The following TBC1D30 variants were observed in gnomAD, a reference collection of about 807,000 sequenced individuals.
TBC1D30 encodes the protein TBC1 domain family member 30.
Under a neutral mutation model 63.2 loss-of-function variants are expected in TBC1D30, and 31 were observed. That is an observed-to-expected ratio of 0.49 (90% CI 0.37 to 0.66). The LOEUF (loss-of-function observed/expected upper bound fraction) is 0.66, where lower values mean the gene tolerates loss of function less well. Ranked by LOEUF, TBC1D30 falls within the 30% of genes least tolerant of loss-of-function variation. The pLI, the probability that TBC1D30 is intolerant of heterozygous loss-of-function variation, is 0.00. For missense variants in TBC1D30, 810 were observed against 953.6 expected, an observed-to-expected ratio of 0.85 and a Z score of 1.98; for synonymous variants, 307 against 361.5, an observed-to-expected ratio of 0.85 and a Z score of 1.71.
At chr12:64,796,876 T>C (rs781439572) in intron 2 of TBC1D30, among the ~76,000 whole-genome samples, 1 of 151,970 alleles carries the variant, frequency 6.6e-6, no homozygotes, top group African/African-American at 2.4e-5. Flanking sequence ...AAGAAATACT[T>C]TTTCCCCCAA....
rs189095645 is a variant in TBC1D30 at position 64,770,019 on chromosome 12, C to T, written c.-376+10370C>T. Among the ~76,000 whole-genome samples the T allele has an allele frequency of 1.6e-4, 25 of 152,214 alleles. No homozygotes were observed. The East Asian group carries it at 3.7e-3, about 22-fold the overall frequency. On this transcript the variant is annotated intron_variant, in intron 1 of 13. Transcript: ENST00000674237. The stretch of plus-strand genomic sequence containing the variant: ...AACTCCATGGCTTCAAACTTTTATA[C>T]GATTCAAAGTGCTTATTTATACATT...
At chr12:64,780,567 CAGCAGGTGGCCCCAGGT>C (rs1352801539) in exon 1 of TBC1D30, among the ~76,000 whole-genome samples, 7 of 152,236 alleles carry the variant, frequency 4.6e-5, no homozygotes, top group Non-Finnish European at 8.8e-5. Flanking sequence ...CGGGCCCGGG[CAGCAGGTGGCCCCAGGT>C]AGCTCAGTGG....
Position 64,766,118 on chromosome 12 carries a change from A to G in TBC1D30, c.-376+6469A>G, listed in dbSNP as rs1870704917. Among the ~76,000 whole-genome samples, 3 of 152,206 alleles carry G rather than the reference A, an allele frequency of 2.0e-5. No individual in the cohort carries two copies. In the South Asian group the frequency reaches 6.2e-4, roughly 31 times the overall value. On this transcript the variant is annotated intron_variant, in intron 1 of 13. Coordinates refer to the TBC1D30 transcript ENST00000674237. ...AACAATATGGGGGGGAGATAAGTCAACTTGAAGGTATAGCAAGAGAAAAAT... is the reference window on the plus strand; with the variant it reads ...AACAATATGGGGGGGAGATAAGTCAGCTTGAAGGTATAGCAAGAGAAAAAT...
intron 1 of TBC1D30, among the ~76,000 whole-genome samples, chr12:64,770,374 A>G (rs552919771): frequency 8.5e-4 from 129 of 152,322 alleles, no homozygotes; most frequent in African/African-American, 2.8e-3. Flanking sequence ...GATTTGTGCA[A>G]ATGCCACAAA....
At chr12:64,809,217 T>C (rs571817014) in intron 2 of TBC1D30, among the ~76,000 whole-genome samples, 1 of 152,332 alleles carries the variant, frequency 6.6e-6, no homozygotes, top group Non-Finnish European at 1.5e-5. Flanking sequence ...GTGTACACTG[T>C]ACCCAATGTG....
chr12:64,762,016 A>G (rs896355369), intron 1 of TBC1D30, among the ~76,000 whole-genome samples: 2 of 152,196 alleles, frequency 1.3e-5, no homozygotes, highest in African/African-American at 4.8e-5. Context: ...ACAAATAGAC[A>G]TGCTATGAAG....
At chr12:64,788,923 T>A (rs1302518750) in intron 2 of TBC1D30, among the ~76,000 whole-genome samples, 1 of 152,164 alleles carries the variant, frequency 6.6e-6, no homozygotes, top group African/African-American at 2.4e-5. Flanking sequence ...ATCTTAAAAC[T>A]CCAGAGGTTA....
rs564778249 is a variant in TBC1D30 at position 64,870,032 on chromosome 12, A to G, written c.1292-570A>G. Among the ~76,000 whole-genome samples the G allele has an allele frequency of 4.5e-4, 69 of 152,258 alleles. 1 individual carries two copies. Among genetic ancestry groups the G allele is most frequent in the African/African-American group, 1.7e-3 (69 of 41,576 alleles). On this transcript the variant is annotated intron_variant, in intron 10 of 11. Transcript: ENST00000539867. ...ATCTGCTAGTTGTAGCTATCACAGG[A>G]GCAGACACCACATCCGATATAACAA...
At chr12:64,812,360 A>C (rs1873266286) in intron 2 of TBC1D30, among the ~76,000 whole-genome samples, 1 of 152,218 alleles carries the variant, frequency 6.6e-6, no homozygotes, top group African/African-American at 2.4e-5. Context: ...GGTATATGGC[A>C]GTAGTTGTTA....
At chr12:64,786,268 A>C (rs1410379454) in intron 2 of TBC1D30, among the ~76,000 whole-genome samples, 2 of 152,202 alleles carry the variant, frequency 1.3e-5, no homozygotes, top group Non-Finnish European at 2.9e-5. Flanking sequence ...CTAGATTTGA[A>C]GTAGTACTTT....
In TBC1D30 at chr12:64,843,425, G is replaced by GGGGC. The variant is rs1483626358; in HGVS notation, c.980_983dup (p.Leu329AlafsTer10). 6.5e-7 allele frequency: 1 copy of GGGGC among 1,536,310 alleles called. No homozygotes were observed. The highest frequency in any genetic ancestry group is 1.2e-5 in the South Asian group (1 of 84,060). Reference sequence around the variant, plus strand: ...CAGCAGATGAATTCTACAGCACCATGGGGCGCCTTACCCAGGAGATGCTAG... The same window carrying GGGGC: ...CAGCAGATGAATTCTACAGCACCATGGGGCGGGCGCCTTACCCAGGAGATGCTAG... On this transcript the variant is annotated frameshift_variant, in exon 8 of 12. Coordinates refer to ENST00000539867, the MANE Select transcript of TBC1D30 (RefSeq NM_015279.2). LOFTEE classifies it high-confidence loss of function.
chr12:64,787,163 A>C (rs1361679558), intron 2 of TBC1D30, among the ~76,000 whole-genome samples: 1 of 152,220 alleles, frequency 6.6e-6, no homozygotes, highest in Non-Finnish European at 1.5e-5. Flanking sequence ...TATCTCTTGC[A>C]TAATCATAAC....
chr12:64,861,781 G>T (rs1480369036), intron 8 of TBC1D30, among the ~76,000 whole-genome samples: 1 of 152,182 alleles, frequency 6.6e-6, no homozygotes, highest in Non-Finnish European at 1.5e-5. Flanking sequence ...GTTTATAGGT[G>T]CTTGGGAAGC....
chr12:64,855,927 A>G (rs140858006), intron 8 of TBC1D30, among the ~76,000 whole-genome samples: 256 of 152,308 alleles, frequency 1.7e-3, no homozygotes, highest in African/African-American at 5.7e-3. Flanking sequence ...GTTTGTGCCT[A>G]TCCTTCTTGG....
chr12:64,764,222 C>A (rs1870624766), intron 1 of TBC1D30, among the ~76,000 whole-genome samples: 1 of 152,020 alleles, frequency 6.6e-6, no homozygotes, highest in Non-Finnish European at 1.5e-5. Context: ...TTTGACTTAC[C>A]ACTTTTTAAA....
intron 8 of TBC1D30, among the ~76,000 whole-genome samples, chr12:64,857,774 C>G (rs111535917): frequency 6.6e-6 from 1 of 152,250 alleles, no homozygotes; most frequent in African/African-American, 2.4e-5. Flanking sequence ...GTTCCAACAG[C>G]TAGATGGGCG....
At chr12:64,867,772 A>C (rs1056933106) in intron 10 of TBC1D30, among the ~76,000 whole-genome samples, 18 of 152,066 alleles carry the variant, frequency 1.2e-4, no homozygotes, top group Admixed American at 2.0e-4. Context: ...GTGACAAGAA[A>C]CTTATTATTT....
intron 1 of TBC1D30, among the ~76,000 whole-genome samples, chr12:64,763,051 G>A (rs553177829): frequency 1.1e-4 from 17 of 152,222 alleles, no homozygotes; most frequent in African/African-American, 4.1e-4. Flanking sequence ...CACGTCCCAG[G>A]TTCAAGCAAT....
chr12:64,875,018 A>G lies in TBC1D30; in HGVS notation c.1516A>G (p.Ser506Gly). Residue 506 changes from serine to glycine, a missense_variant, in exon 12 of 12, where the codon AGC becomes GGC. Ser to Gly is a moderately conservative substitution (Grantham distance 56, BLOSUM62 0). Transcript: ENST00000539867. Reference protein sequence around the residue: ...YIRADKGPVTSILPSQVNSSP... With the variant: ...YIRADKGPVTGILPSQVNSSP... ...TCTTTCAGACAAAGGGCCAGTGACC[A>G]GCATTCTCCCGTCTCAGGTAAACAG... The G allele has an allele frequency of 6.5e-7, 1 of 1,536,346 alleles. No homozygotes were observed. The highest frequency in any genetic ancestry group is 8.7e-7 in the Non-Finnish European group (1 of 1,146,732).
Sources: allele counts gnomAD v4.1 joint callset (sites outside exome capture counted in the v4.1 genomes callset), GRCh38; gene constraint gnomAD v4.1.1; transcripts MANE v1.5; gene names NCBI Gene and HGNC (gene_info 2026-07-23, HGNC 2026-07-21).